Variants in KCNQ3 observed in about 807,000 individuals in gnomAD.
KCNQ3 encodes the protein potassium voltage-gated channel subfamily Q member 3.
A neutral mutation model predicts 92.5 loss-of-function variants in KCNQ3; 30 were observed. The ratio of observed to expected loss-of-function variants is 0.32; its 90% CI spans 0.24 to 0.44. The LOEUF (loss-of-function observed/expected upper bound fraction) is 0.44, where lower values mean the gene tolerates loss of function less well. Ranked by LOEUF, KCNQ3 falls within the 20% of genes least tolerant of loss-of-function variation. KCNQ3 has a pLI of 1.00. For missense variants in KCNQ3, 913 were observed against 1,140.3 expected (o/e 0.80, Z 2.87); for synonymous variants, 450 against 468.8 (o/e 0.96, Z 0.52).
chr8:132,380,939 A>C (rs1036159702), intron 1 of KCNQ3, among the ~76,000 whole-genome samples: 2 of 151,692 alleles, frequency 1.3e-5, no homozygotes, highest in Admixed American at 1.3e-4. Flanking sequence ...CAGAAAAAAA[A>C]AAAAAAAAAA....
At chr8:132,417,107 C>T (rs528326284) in intron 1 of KCNQ3, among the ~76,000 whole-genome samples, 8 of 152,294 alleles carry the variant, frequency 5.3e-5, no homozygotes, top group African/African-American at 1.7e-4. Flanking sequence ...ACAGGCTGTA[C>T]GAGTCTGATC....
At chr8:132,372,755 G>T (rs1184107410) in intron 1 of KCNQ3, among the ~76,000 whole-genome samples, 1 of 93,060 alleles carries the variant, frequency 1.1e-5, no homozygotes, top group African/African-American at 6.2e-5. Flanking sequence ...GTGAGACTTT[G>T]TCTCAAAAAA....
intron 9 of KCNQ3, 59 bp downstream of exon 9, chr8:132,163,409 C>A: frequency 7.1e-7 from 1 of 1,417,344 alleles, no homozygotes; most frequent in Non-Finnish European, 1.0e-6. Context: ...CCATATGGAG[C>A]AGGATGCTCT....
At chr8:132,184,977 C>T (rs989108472) in intron 2 of KCNQ3, among the ~76,000 whole-genome samples, 11 of 152,364 alleles carry the variant, frequency 7.2e-5, no homozygotes, top group South Asian at 6.2e-4. Context: ...CTTAAGCACT[C>T]TCCAGGACAC....
chr8:132,350,796 C>T (rs1242481836), intron 1 of KCNQ3, among the ~76,000 whole-genome samples: 1 of 152,178 alleles, frequency 6.6e-6, no homozygotes, highest in Non-Finnish European at 1.5e-5. Context: ...AAACCCTCAC[C>T]CCAAGTGCCC....
intron 1 of KCNQ3, among the ~76,000 whole-genome samples, chr8:132,265,316 C>T (rs1815945782): frequency 6.6e-6 from 1 of 152,206 alleles, no homozygotes; most frequent in Admixed American, 6.5e-5. Context: ...AATGGCAAGG[C>T]CATCCACCAA....
chr8:132,208,027 T>C (rs1813723674), intron 1 of KCNQ3, among the ~76,000 whole-genome samples: 1 of 152,000 alleles, frequency 6.6e-6, no homozygotes, highest in Non-Finnish European at 1.5e-5. Context: ...CCATGATGGC[T>C]GATTGTTGTA....
intron 1 of KCNQ3, among the ~76,000 whole-genome samples, chr8:132,329,093 T>C (rs1818152932): frequency 6.6e-6 from 1 of 152,178 alleles, no homozygotes; most frequent in Admixed American, 6.5e-5. Context: ...AACATTGCCC[T>C]TATGGAATTT....
At chr8:132,388,209 T>A (rs1218201486) in intron 1 of KCNQ3, among the ~76,000 whole-genome samples, 3 of 152,216 alleles carry the variant, frequency 2.0e-5, no homozygotes, top group Non-Finnish European at 4.4e-5. Flanking sequence ...CAAAAGATTC[T>A]GGAAAAGAGG....
chr8:132,447,731 C>T (rs922996590), intron 1 of KCNQ3, among the ~76,000 whole-genome samples: 1 of 152,218 alleles, frequency 6.6e-6, no homozygotes, highest in Non-Finnish European at 1.5e-5. Context: ...AAGAACGAGA[C>T]TGCCTCTGGG....
At chr8:132,374,155 T>C (rs1342925409) in intron 1 of KCNQ3, among the ~76,000 whole-genome samples, 3 of 152,102 alleles carry the variant, frequency 2.0e-5, no homozygotes, top group African/African-American at 4.8e-5. Context: ...CAGACCTGGA[T>C]TGGAACACTG....
In KCNQ3 at chr8:132,250,953, A is replaced by T. The variant is rs753296206; in HGVS notation, c.387-64772T>A. On this transcript the variant is annotated intron_variant, in intron 1 of 14. Coordinates refer to ENST00000388996, the MANE Select transcript of KCNQ3 (RefSeq NM_004519.4). Reference sequence around the variant, plus strand: ...AGATCGACCTCTTAGACCAGATAAGATCATTAGAAAGACATGCATTTGTGG... The same window carrying T: ...AGATCGACCTCTTAGACCAGATAAGTTCATTAGAAAGACATGCATTTGTGG... Among the ~76,000 whole-genome samples, 98 of 152,302 alleles carry T rather than the reference A, an allele frequency of 6.4e-4. 1 individual carries two copies. The highest frequency in any genetic ancestry group is 2.0e-3 in the Admixed American group (30 of 15,300).
intron 11 of KCNQ3, among the ~76,000 whole-genome samples, chr8:132,139,357 T>C (rs1045588091): frequency 6.6e-6 from 1 of 152,326 alleles, no homozygotes; most frequent in South Asian, 2.1e-4. Context: ...ATATCCTACA[T>C]AAAGGTGTCA....
intron 1 of KCNQ3, among the ~76,000 whole-genome samples, chr8:132,349,933 A>G (rs573118972): frequency 6.6e-6 from 1 of 152,358 alleles, no homozygotes; most frequent in African/African-American, 2.4e-5. Context: ...TGAAGGCTAC[A>G]CCACTAGTAA....
intron 1 of KCNQ3, among the ~76,000 whole-genome samples, chr8:132,285,224 T>C (rs1342360650): frequency 6.6e-6 from 1 of 152,078 alleles, no homozygotes; most frequent in Non-Finnish European, 1.5e-5. Context: ...GTTGCATGAA[T>C]GGAGTATTAA....
At chr8:132,303,677 T>TATATATATACACACAC (rs376933089) in intron 1 of KCNQ3, among the ~76,000 whole-genome samples, 6 of 85,990 alleles carry the variant, frequency 7.0e-5, no homozygotes, top group African/African-American at 2.7e-4. Flanking sequence ...TATATATATA[T>TATATATATACACACAC]ACACACACAC....
At position 132,121,203 on chromosome 8, in the gene KCNQ3, T is replaced by C. The variant is rs1303973058; in HGVS notation, c.*8059A>G. ...AAATACAATCCAAAATCAAATATAATGGATTCATGTCACTGGGAACCTCCA... is the reference window on the plus strand; with the variant it reads ...AAATACAATCCAAAATCAAATATAACGGATTCATGTCACTGGGAACCTCCA... On this transcript the variant is annotated 3_prime_UTR_variant, in exon 15 of 15. Coordinates refer to ENST00000388996, the MANE Select transcript of KCNQ3 (RefSeq NM_004519.4). The C allele has an allele frequency of 6.6e-6, 1 of 152,134 alleles. No individual in the cohort carries two copies. The highest frequency in any genetic ancestry group is 2.4e-5 in the African/African-American group (1 of 41,408). The allele number at this position is 152,134 out of a possible 1,614,324, so 9.4% of individuals were successfully genotyped here.
At chr8:132,340,204 G>A (rs527647219) in intron 1 of KCNQ3, among the ~76,000 whole-genome samples, 111 of 152,302 alleles carry the variant, frequency 7.3e-4, no homozygotes, top group Middle Eastern at 3.4e-3. Context: ...ACAGTATGGC[G>A]ATTCCTCAAG....
chr8:132,425,206 G>A (rs1012615056), intron 1 of KCNQ3, among the ~76,000 whole-genome samples: 1 of 152,224 alleles, frequency 6.6e-6, no homozygotes, highest in African/African-American at 2.4e-5. Flanking sequence ...GAGTCACTGG[G>A]ATACAGAATG....
Sources: gnomAD v4.1 joint callset for allele counts (sites outside exome capture counted in the v4.1 genomes callset) on GRCh38, gnomAD v4.1.1 for gene constraint, MANE v1.5 for transcripts, NCBI Gene and HGNC (gene_info 2026-07-23, HGNC 2026-07-21) for gene names.